The following CLIP3 variants were observed in gnomAD, a reference collection of about 807,000 sequenced individuals.
The protein encoded by CLIP3 is CAP-Gly domain-containing linker protein 3.
In CLIP3, 15 loss-of-function variants were observed where a neutral mutation model predicts 59.4. The ratio of observed to expected loss-of-function variants is 0.25; its 90% confidence interval spans 0.17 to 0.39. CLIP3 has a LOEUF of 0.39. Ranked by LOEUF, CLIP3 falls within the 10% of genes least tolerant of loss-of-function variation. The probability of loss-of-function intolerance (pLI) is 1.00; values close to 1 mark genes in which losing one functional copy is unlikely to be tolerated. For synonymous variants in CLIP3, 300 were observed against 321.6 expected (o/e 0.93, Z 0.72); for missense variants, 495 against 765.7 (o/e 0.65, Z 4.17).
At position 36,031,647 on chromosome 19, in the gene CLIP3, A is replaced by C. The variant is rs372985031; in HGVS notation, c.166+545T>G. On this transcript the variant is annotated intron_variant, in intron 2 of 13. Coordinates refer to ENST00000360535, the MANE Select transcript of CLIP3 (RefSeq NM_015526.3). ...CCCTTCTCTTAGTTAACCCCAACTC[A>C]CCCTCCAGTCTTCTCAACTGTAACC... Among the ~76,000 whole-genome samples the C allele has an allele frequency of 2.6e-5, 4 of 152,126 alleles. No individual in the cohort carries two copies. The South Asian group carries it at 6.2e-4, about 24-fold the overall frequency.
intron 2 of CLIP3, among the ~76,000 whole-genome samples, chr19:36,031,024 T>TTTTTTTTTTTTTTTC (rs1969251032): frequency 5.4e-5 from 4 of 73,574 alleles, no homozygotes; most frequent in African/African-American, 1.6e-4. Flanking sequence ...TTTTTTTTTC[T>TTTTTTTTTTTTTTTC]TTTTTTTTTT....
chr19:36,017,634 G>A, intron 11 of CLIP3, 21 bp downstream of exon 11: 2 of 1,613,542 alleles, frequency 1.2e-6, no homozygotes, highest in Non-Finnish European at 1.7e-6. Context: ...CCCTGGGTTT[G>A]GGCTGGAAGT....
chr19:36,017,720 G>A lies in CLIP3; in HGVS notation c.1386C>T (p.Phe462=), dbSNP rs757434464. 1.2e-5 allele frequency: 19 copies of A among 1,614,142 alleles called. No homozygotes were observed. The highest frequency in any genetic ancestry group is 8.9e-5 in the East Asian group (4 of 44,882). ...QPTGKHDGSV[F]GVRYFTCPPR... ...GGGGGCAAGTGAAGTACCGGACACC[G>A]AAGACAGAGCCATCATGCTTGCCTG... The change falls in exon 11 of 14, where the codon TTC becomes TTT. Residue 462 remains phenylalanine (F), a synonymous_variant. Transcript: ENST00000360535.
intron 8 of CLIP3, 25 bp downstream of exon 8, chr19:36,019,146 C>T: frequency 1.2e-6 from 2 of 1,613,816 alleles, no homozygotes; most frequent in African/African-American, 1.3e-5. Flanking sequence ...AGCCACACCC[C>T]TCTTGGGCCC....
At chr19:36,018,273 A>G (rs1968853844) in intron 9 of CLIP3, among the ~76,000 whole-genome samples, 1 of 152,158 alleles carries the variant, frequency 6.6e-6, no homozygotes, top group Admixed American at 6.5e-5. Flanking sequence ...AAATGAAGGG[A>G]AAATTGGGTC....
chr19:36,027,323 C>A, intron 2 of CLIP3, 52 bp from the exon 3 acceptor site: 1 of 1,542,868 alleles, frequency 6.5e-7, no homozygotes, highest in East Asian at 2.3e-5. Context: ...CCCCTCCTTC[C>A]AGCCTCAGTA....
chr19:36,026,369 G>T lies in CLIP3; in HGVS notation c.563-104C>A. Reference sequence around the variant, plus strand: ...TTAACTTGCAGGTCCCAGAGCCTCCGACGCAGAGCCCCGCCCCCACCTCGG... The same window carrying T: ...TTAACTTGCAGGTCCCAGAGCCTCCTACGCAGAGCCCCGCCCCCACCTCGG... On this transcript the variant is annotated intron_variant, in intron 5 of 13. Coordinates refer to ENST00000360535, the MANE Select transcript of CLIP3 (RefSeq NM_015526.3). This position sits in a 1 kb window ranked among gnomAD's most constrained non-coding sequence, Gnocchi z 6.3. 8.3e-7 allele frequency: 1 copy of T among 1,201,966 alleles called. No individual in the cohort carries two copies. The highest frequency in any genetic ancestry group is 1.2e-6 in the Non-Finnish European group (1 of 834,826). The allele number at this position is 1,201,966 out of a possible 1,614,324, so 74.5% of individuals were successfully genotyped here.
At chr19:36,018,578 G>C (rs1466466929) in intron 9 of CLIP3, among the ~76,000 whole-genome samples, 1 of 124,054 alleles carries the variant, frequency 8.1e-6, no homozygotes, top group Non-Finnish European at 1.6e-5. Context: ...CGAGACTCTT[G>C]ACTCAAAAAA....
chr19:36,020,151 C>G (rs1413244205), intron 7 of CLIP3, among the ~76,000 whole-genome samples: 1 of 152,080 alleles, frequency 6.6e-6, no homozygotes, highest in Non-Finnish European at 1.5e-5. Flanking sequence ...ACTTGGGAGG[C>G]TGAGGTGGGA....
At chr19:36,027,488 T>C (rs187918782) in intron 2 of CLIP3, among the ~76,000 whole-genome samples, 15 of 152,248 alleles carry the variant, frequency 9.9e-5, no homozygotes, top group African/African-American at 2.6e-4. Flanking sequence ...GCCCAGTGTG[T>C]CTTGAAAAGT....
intron 6 of CLIP3, among the ~76,000 whole-genome samples, chr19:36,025,446 C>T (rs952703611): frequency 7.2e-4 from 110 of 152,106 alleles, no homozygotes; most frequent in African/African-American, 2.6e-3. Context: ...CAAAAATTAG[C>T]CGGGTGTGGT....
intron 2 of CLIP3, 23 bp from the exon 3 acceptor site, chr19:36,027,294 G>T: frequency 6.3e-7 from 1 of 1,578,882 alleles, no homozygotes; most frequent in South Asian, 1.2e-5. Flanking sequence ...GAGGTCCAAG[G>T]TCACCCCACG....
At chr19:36,021,304 G>A in intron 7 of CLIP3, among the ~76,000 whole-genome samples, 1 of 150,630 alleles carries the variant, frequency 6.6e-6, no homozygotes, top group Non-Finnish European at 1.5e-5. Context: ...TTTTTTTTTA[G>A]ACAGGGTCTC....
At chr19:36,017,515 G>A (rs1029336190) in intron 11 of CLIP3, 65 bp from the exon 12 acceptor site, 66 of 1,605,006 alleles carry the variant, frequency 4.1e-5, no homozygotes, top group South Asian at 1.7e-4. Flanking sequence ...CTGAGAGCTG[G>A]GCCCCAGGGA....
rs762739411 is a variant in CLIP3, at chr19:36,024,380, C to T, written c.918+16G>A. 1.9e-6 allele frequency: 3 copies of T among 1,601,794 alleles called. No homozygotes were observed. Among genetic ancestry groups the T allele is most frequent in the South Asian group, 1.1e-5 (1 of 90,518 alleles). On this transcript the variant is annotated intron_variant, in intron 7 of 13. Coordinates refer to ENST00000360535, the MANE Select transcript of CLIP3 (RefSeq NM_015526.3). The stretch of plus-strand genomic sequence containing the variant: ...CACCCCCACCCACCATGCAAACACA[C>T]ATCCCAGCCCCTGACCTTCTGGCCA...
intron 2 of CLIP3, among the ~76,000 whole-genome samples, chr19:36,028,214 G>A (rs774490089): frequency 2.7e-5 from 4 of 150,778 alleles, no homozygotes; most frequent in South Asian, 2.1e-4. Context: ...GGTGGGCGCC[G>A]GTAATCCCAG....
chr19:36,019,863 A>G (rs1003646560), intron 7 of CLIP3, among the ~76,000 whole-genome samples: 3 of 151,434 alleles, frequency 2.0e-5, no homozygotes, highest in African/African-American at 7.3e-5. Context: ...TCGGCCTCCC[A>G]AAGTGCTGGG....
At position 36,031,027 on chromosome 19, in the gene CLIP3, T is replaced by C. The variant is rs1253917965; in HGVS notation, c.166+1165A>G. On this transcript the variant is annotated intron_variant, in intron 2 of 13. Transcript: ENST00000360535. ...TCTTTTCTTTTTTTTTTTTTTCTTT[T>C]TTTTTTTTTTTTTTGAGACAGTCTT... Among the ~76,000 whole-genome samples the C allele has an allele frequency of 7.6e-5, 9 of 118,794 alleles. 1 individual carries two copies. The highest frequency in any genetic ancestry group is 4.9e-4 in the Admixed American group (6 of 12,250). The allele number at this position is 118,794 out of a possible 152,430, so 77.9% of individuals were successfully genotyped here. A position where few individuals can be genotyped will look rare whatever the true frequency, so the allele number is the denominator to read the frequency against.
At position 36,019,157 on chromosome 19, in the gene CLIP3, G is replaced by A. The variant is rs370537080; in HGVS notation, c.1054+14C>T. The A allele has an allele frequency of 1.2e-4, 188 of 1,613,714 alleles. No individual in the cohort carries two copies. Among genetic ancestry groups the A allele is most frequent in the Non-Finnish European group, 1.5e-4 (176 of 1,180,018 alleles). On this transcript the variant is annotated intron_variant, in intron 8 of 13. Transcript: ENST00000360535. ...ACCCAGCCACACCCCTCTTGGGCCC[G>A]AGGTCGGACTAACCCTGCTTGGGAG...
Sources: gnomAD v4.1 joint callset for allele counts (sites outside exome capture counted in the v4.1 genomes callset) on GRCh38, gnomAD v4.1.1 for gene constraint, Gnocchi (gnomAD v3.1) non-coding constraint, MANE v1.5 for transcripts, NCBI Gene and HGNC (gene_info 2026-07-23, HGNC 2026-07-21) for gene names.